The following IL1RAPL1 variants were observed in gnomAD, a reference collection of about 807,000 sequenced individuals.
IL1RAPL1 encodes interleukin 1 receptor accessory protein like 1, also known as interleukin-1 receptor accessory protein-like 1.
In IL1RAPL1, 3 loss-of-function variants were observed where a neutral mutation model predicts 48.4. The ratio of observed to expected loss-of-function variants is 0.06; its 90% CI spans 0.03 to 0.16. The LOEUF (loss-of-function observed/expected upper bound fraction) is 0.16. Among genes scored for constraint, IL1RAPL1 ranks in the 10% least tolerant of loss-of-function variants. The pLI is 1.00. For missense variants in IL1RAPL1, 349 were observed against 530.6 expected (o/e 0.66, Z 3.36); for synonymous variants, 185 against 187.7 (o/e 0.99, Z 0.12).
intron 5 of IL1RAPL1, among the ~76,000 whole-genome samples, chrX:29,637,913 T>C (rs1247583331): frequency 4.5e-5 from 5 of 112,316 alleles, no homozygotes; most frequent in Non-Finnish European, 9.4e-5. Context: ...TTTTCATTTT[T>C]TCATGCTTTT....
intron 5 of IL1RAPL1, among the ~76,000 whole-genome samples, chrX:29,526,888 C>T (rs1053872273): frequency 2.7e-5 from 3 of 111,310 alleles, no homozygotes; most frequent in African/African-American, 9.8e-5. Flanking sequence ...ACATGCTTTG[C>T]TATATGGAGC....
intron 2 of IL1RAPL1, among the ~76,000 whole-genome samples, chrX:28,796,260 C>T (rs6628392): frequency 0.035 from 3,903 of 111,267 alleles, 183 homozygotes; most frequent in African/African-American, 0.12. Context: ...CCACCCCGGC[C>T]CCTCCCAGAT....
intron 1 of IL1RAPL1, among the ~76,000 whole-genome samples, chrX:28,750,134 T>G (rs1252771749): frequency 9.1e-6 from 1 of 109,654 alleles, no homozygotes; most frequent in East Asian, 2.9e-4. Context: ...TGTATTTTTA[T>G]TAGAGAGGGG....
chrX:29,617,533 G>A (rs1015604844), intron 5 of IL1RAPL1, among the ~76,000 whole-genome samples: 1 of 111,858 alleles, frequency 8.9e-6, no homozygotes, highest in East Asian at 2.8e-4. Context: ...GCTATTAACT[G>A]TCATGCATTA....
At chrX:29,522,402 C>T in intron 5 of IL1RAPL1, among the ~76,000 whole-genome samples, 1 of 110,922 alleles carries the variant, frequency 9.0e-6, no homozygotes, top group Non-Finnish European at 1.9e-5. Flanking sequence ...CTCAAGTAAT[C>T]CTCCCACCTC....
chrX:29,944,770 G>T (rs1245122450), intron 9 of IL1RAPL1, among the ~76,000 whole-genome samples: 2 of 111,164 alleles, frequency 1.8e-5, no homozygotes, highest in Non-Finnish European at 3.8e-5. Flanking sequence ...CCTCACTTGA[G>T]ATACTACCAC....
chrX:29,803,159 GCATACACA>G lies in IL1RAPL1; in HGVS notation c.779-114304_779-114297del, dbSNP rs1391372015. 4.6e-3 allele frequency among the ~76,000 whole-genome samples: 376 copies of G among 81,954 alleles called. 1 individual carries two copies. Among genetic ancestry groups the G allele is most frequent in the Middle Eastern group, 0.019 (1 of 52 alleles). 71.2% of individuals were successfully genotyped at this position (81,954 alleles called of 115,157 possible). A position where few individuals can be genotyped will look rare whatever the true frequency, so the allele number is the denominator to read the frequency against. ...CATATATGTATATATGTGTATACAT[GCATACACA>G]TATGCATACATATATGTATATATGT... is the stretch of plus-strand genomic sequence containing the variant. On this transcript the variant is annotated intron_variant, in intron 6 of 10. Coordinates refer to ENST00000378993, the MANE Select transcript of IL1RAPL1 (RefSeq NM_014271.4).
intron 3 of IL1RAPL1, among the ~76,000 whole-genome samples, chrX:29,319,840 C>G: frequency 9.0e-6 from 1 of 111,149 alleles, no homozygotes. Context: ...TTCTGTGGTT[C>G]TCATGAAGTT....
intron 5 of IL1RAPL1, among the ~76,000 whole-genome samples, chrX:29,625,743 A>G (rs774550058): frequency 8.9e-6 from 1 of 112,291 alleles, no homozygotes; most frequent in East Asian, 2.8e-4. Flanking sequence ...AAAGTTAATC[A>G]GTGATATAAT....
rs189369335 is a variant in IL1RAPL1 at position 29,625,213 on chromosome X, A to G, written c.704-43217A>G. On this transcript the variant is annotated intron_variant, in intron 5 of 10. Transcript: ENST00000378993. ...ATTTTAAGAATCATATAATTTTAAT[A>G]AAAGTCTGTTAAGTTTCTTTATATA... Among the ~76,000 whole-genome samples, 503 of 112,224 alleles carry G rather than the reference A, an allele frequency of 4.5e-3. 2 individuals carry two copies. The highest frequency in any genetic ancestry group is 9.1e-3 in the Middle Eastern group (2 of 219).
intron 6 of IL1RAPL1, among the ~76,000 whole-genome samples, chrX:29,681,438 C>T (rs779469171): frequency 1.8e-4 from 20 of 112,105 alleles, no homozygotes; most frequent in African/African-American, 4.9e-4. Flanking sequence ...CCCCATCAGG[C>T]GATACAAAAA....
rs193301792 is a variant in IL1RAPL1, at chrX:29,270,808, G to C, written c.83-12130G>C. Among the ~76,000 whole-genome samples, 251 of 111,671 alleles carry C rather than the reference G, an allele frequency of 2.2e-3. 2 individuals are homozygous for C. The highest frequency in any genetic ancestry group is 7.4e-3 in the African/African-American group (228 of 30,804). ...AATTTTAGAATTAGTATGCCCATTTGATTGTCATTGTATTAAATCTATATA... is the reference window on the plus strand; with the variant it reads ...AATTTTAGAATTAGTATGCCCATTTCATTGTCATTGTATTAAATCTATATA... On this transcript the variant is annotated intron_variant, in intron 2 of 10. Transcript: ENST00000378993.
intron 2 of IL1RAPL1, among the ~76,000 whole-genome samples, chrX:29,251,846 G>C (rs1278207100): frequency 9.0e-6 from 1 of 111,222 alleles, no homozygotes; most frequent in Non-Finnish European, 1.9e-5. Context: ...TAAACAACAT[G>C]TATACGATAT....
At chrX:28,956,809 A>G (rs1208517298) in intron 2 of IL1RAPL1, among the ~76,000 whole-genome samples, 2 of 106,241 alleles carry the variant, frequency 1.9e-5, no homozygotes, top group Non-Finnish European at 3.9e-5. Context: ...CTCTTTTTCT[A>G]TTGATTGGAA....
intron 5 of IL1RAPL1, among the ~76,000 whole-genome samples, chrX:29,436,444 C>T (rs1268165075): frequency 9.1e-6 from 1 of 109,820 alleles, no homozygotes; most frequent in Admixed American, 9.7e-5. Flanking sequence ...TTTCAAGTAC[C>T]TAGATAGAAG....
intron 5 of IL1RAPL1, among the ~76,000 whole-genome samples, chrX:29,476,572 T>C (rs1934976639): frequency 9.0e-6 from 1 of 111,293 alleles, no homozygotes; most frequent in Admixed American, 9.5e-5. Context: ...AATGAACTAA[T>C]AAATTAAAAG....
chrX:28,645,273 G>A lies in IL1RAPL1; in HGVS notation c.-25+57226G>A, dbSNP rs111322805. ...GAGGCAGGAGAATTGCTTGAACCCAGGAGGTGGAGGTCGTGGTGGGCTGAG... is the reference window on the plus strand; with the variant it reads ...GAGGCAGGAGAATTGCTTGAACCCAAGAGGTGGAGGTCGTGGTGGGCTGAG... On this transcript the variant is annotated intron_variant, in intron 1 of 10. Transcript: ENST00000378993. Among the ~76,000 whole-genome samples, 788 of 102,864 alleles carry A rather than the reference G, an allele frequency of 7.7e-3. 9 individuals are homozygous for A. The highest frequency in any genetic ancestry group is 0.027 in the African/African-American group (747 of 27,727). 89.3% of individuals were successfully genotyped at this position (102,864 alleles called of 115,157 possible).
At chrX:29,449,982 C>T (rs762092555) in intron 5 of IL1RAPL1, among the ~76,000 whole-genome samples, 1 of 109,430 alleles carries the variant, frequency 9.1e-6, no homozygotes, top group South Asian at 3.8e-4. Flanking sequence ...CTCTTGACAG[C>T]TAATATTATT....
chrX:29,315,798 G>C (rs1422276907), intron 3 of IL1RAPL1, among the ~76,000 whole-genome samples: 1 of 111,911 alleles, frequency 8.9e-6, no homozygotes, highest in Non-Finnish European at 1.9e-5. Context: ...AAAGGAAAGA[G>C]CATATTCAGA....
Sources: allele counts gnomAD v4.1 joint callset (sites outside exome capture counted in the v4.1 genomes callset), GRCh38; gene constraint gnomAD v4.1.1; transcripts MANE v1.5; gene names NCBI Gene and HGNC (gene_info 2026-07-23, HGNC 2026-07-21).